The following FARP1 variants were observed in gnomAD, a reference collection of about 807,000 sequenced individuals.
FARP1 encodes FERM, ARH/RhoGEF and pleckstrin domain protein 1, also known as FERM, ARHGEF and pleckstrin domain-containing protein 1.
A neutral mutation model predicts 128.8 loss-of-function variants in FARP1; 52 were observed. The observed-to-expected ratio is 0.40, with a 90% CI of 0.32 to 0.51. FARP1 has a LOEUF of 0.51. FARP1 is among the 20% of genes least tolerant of loss of function. The pLI is 0.45. For missense variants in FARP1, 1,333 were observed against 1,367.9 expected (o/e 0.97, Z 0.40); for synonymous variants, 580 against 551.8 (o/e 1.05, Z -0.72).
rs111871862 is a variant in FARP1 at position 98,311,015 on chromosome 13, G to A, written c.172-32747G>A. Among the ~76,000 whole-genome samples, 1,119 of 152,332 alleles carry A rather than the reference G, an allele frequency of 7.3e-3. 6 individuals are homozygous for A. The highest frequency in any genetic ancestry group is 0.012 in the Non-Finnish European group (813 of 68,034). On this transcript the variant is annotated intron_variant, in intron 2 of 26. Transcript: ENST00000319562. ...TCTGTGGGAAGTTTGTGAAAGGCAA[G>A]GGAGGTAGTAAGGAAATTCAGTGGA...
At chr13:98,237,120 C>T (rs1178572700) in intron 2 of FARP1, among the ~76,000 whole-genome samples, 5 of 152,022 alleles carry the variant, frequency 3.3e-5, no homozygotes, top group Admixed American at 2.0e-4. Context: ...GCCTGACCAA[C>T]ATGGCGAAAA....
At chr13:98,193,813 A>G (rs1238456976) in intron 1 of FARP1, among the ~76,000 whole-genome samples, 1 of 152,182 alleles carries the variant, frequency 6.6e-6, no homozygotes, top group Non-Finnish European at 1.5e-5. Flanking sequence ...AAAGGAGATG[A>G]TTGTGGCCTG....
chr13:98,295,227 G>GGT (rs1885634588), intron 2 of FARP1, among the ~76,000 whole-genome samples: 1 of 151,954 alleles, frequency 6.6e-6, no homozygotes, highest in South Asian at 2.1e-4. Flanking sequence ...GGTATACCTT[G>GGT]GTGCTCTTTT....
At chr13:98,396,390 G>A (rs781160922) in intron 13 of FARP1, 4 of 399,164 alleles carry the variant, frequency 1.0e-5, no homozygotes, top group Non-Finnish European at 1.8e-5. Context: ...CCGCAGTGCT[G>A]CGTTCCCCGT....
chr13:98,378,822 G>C (rs1293598468), intron 6 of FARP1, among the ~76,000 whole-genome samples: 1 of 143,660 alleles, frequency 7.0e-6, no homozygotes, highest in Non-Finnish European at 1.5e-5. Context: ...TTACCAATTT[G>C]AAAAAAATGA....
chr13:98,388,568 G>T (rs1890187451), intron 9 of FARP1, 90 bp downstream of exon 9: 3 of 979,152 alleles, frequency 3.1e-6, no homozygotes, highest in Non-Finnish European at 4.9e-6. Context: ...CAGGGCTTCT[G>T]CTGAACCTCT....
At chr13:98,292,523 T>G (rs899152550) in intron 2 of FARP1, among the ~76,000 whole-genome samples, 1 of 152,250 alleles carries the variant, frequency 6.6e-6, no homozygotes, top group African/African-American at 2.4e-5. Flanking sequence ...CACATGTGGC[T>G]ATTTAAATTT....
At chr13:98,374,644 C>A (rs1266481020) in intron 5 of FARP1, among the ~76,000 whole-genome samples, 1 of 152,218 alleles carries the variant, frequency 6.6e-6, no homozygotes, top group Non-Finnish European at 1.5e-5. Flanking sequence ...ACTTGTTCCT[C>A]TATCCTTTGT....
intron 3 of FARP1, among the ~76,000 whole-genome samples, chr13:98,364,467 T>G (rs1173410605): frequency 6.6e-6 from 1 of 152,260 alleles, no homozygotes; most frequent in Non-Finnish European, 1.5e-5. Flanking sequence ...CTGTTAGCTG[T>G]TGGCATTTTC....
rs1363948628 is a variant in FARP1 at position 98,454,208 on chromosome 13, G to A, written c.*5891G>A. 1 of 152,246 alleles carries A rather than the reference G, an allele frequency of 6.6e-6. No homozygotes were observed. The highest frequency in any genetic ancestry group is 2.4e-5 in the African/African-American group (1 of 41,460). The allele number at this position is 152,246 out of a possible 1,614,324, so 9.4% of individuals were successfully genotyped here. ...GACAACAGAAGGCAATGCACCCAAA[G>A]ATGCTGATGAGATTTGGGCTACAGT... On this transcript the variant is annotated 3_prime_UTR_variant, in exon 27 of 27. Coordinates refer to ENST00000319562, the MANE Select transcript of FARP1 (RefSeq NM_005766.4).
chr13:98,427,664 A>G (rs1247365459), intron 17 of FARP1, among the ~76,000 whole-genome samples: 12 of 151,926 alleles, frequency 7.9e-5, no homozygotes, highest in Non-Finnish European at 7.4e-5. Context: ...ACCCTCCCCT[A>G]CCCTAACCCA....
intron 1 of FARP1, among the ~76,000 whole-genome samples, chr13:98,190,767 G>C (rs1879175852): frequency 7.1e-6 from 1 of 141,402 alleles, no homozygotes; most frequent in Non-Finnish European, 1.5e-5. Context: ...ACAGGGTCTT[G>C]AACTTCTGGC....
At chr13:98,163,258 C>T (rs564642850) in intron 1 of FARP1, among the ~76,000 whole-genome samples, 154 of 151,940 alleles carry the variant, frequency 1.0e-3, no homozygotes, top group African/African-American at 3.5e-3. Context: ...TATAAGTGGG[C>T]GCTAAATGAA....
intron 2 of FARP1, among the ~76,000 whole-genome samples, chr13:98,258,161 G>T (rs1883703084): frequency 6.6e-6 from 1 of 152,030 alleles, no homozygotes; most frequent in Admixed American, 6.6e-5. Context: ...TAGAGATGGG[G>T]TTTCACCATG....
chr13:98,393,864 T>A (rs965049970), intron 12 of FARP1, 146 bp downstream of exon 12: 1 of 667,428 alleles, frequency 1.5e-6, no homozygotes, highest in African/African-American at 1.8e-5. Context: ...GCCTTGGCTT[T>A]GACCAGATAT....
chr13:98,417,484 A>AAAAAAAAAAAG (rs1566305247), intron 16 of FARP1, among the ~76,000 whole-genome samples: 1 of 138,402 alleles, frequency 7.2e-6, no homozygotes, highest in Non-Finnish European at 1.6e-5. Context: ...AAAAAAAAAA[A>AAAAAAAAAAAG]GAACACATGG....
chr13:98,191,979 A>G (rs1328151006), intron 1 of FARP1, among the ~76,000 whole-genome samples: 1 of 152,180 alleles, frequency 6.6e-6, no homozygotes, highest in Admixed American at 6.5e-5. Flanking sequence ...AATAAATTTT[A>G]GAGAAAAATG....
At chr13:98,391,069 C>T (rs1890285877) in intron 11 of FARP1, among the ~76,000 whole-genome samples, 189 bp downstream of exon 11, 2 of 152,058 alleles carry the variant, frequency 1.3e-5, no homozygotes, top group Non-Finnish European at 2.9e-5. Context: ...GGGGCACACC[C>T]TCGAGAGTGA....
intron 19 of FARP1, among the ~76,000 whole-genome samples, chr13:98,437,420 T>C (rs1195471465): frequency 6.6e-6 from 1 of 150,874 alleles, no homozygotes; most frequent in South Asian, 2.1e-4. Flanking sequence ...CAGTTATAGA[T>C]AAAGAAAGGC....
Sources: allele counts gnomAD v4.1 joint callset (sites outside exome capture counted in the v4.1 genomes callset), GRCh38; gene constraint gnomAD v4.1.1; transcripts MANE v1.5; gene names NCBI Gene and HGNC (gene_info 2026-07-23, HGNC 2026-07-21).